Variants in ZNF385B observed in about 807,000 individuals in gnomAD.
ZNF385B encodes zinc finger protein 533.
In ZNF385B, 23 loss-of-function variants were observed where a neutral mutation model predicts 39.2. The observed-to-expected ratio is 0.59, with a 90% CI of 0.42 to 0.83. ZNF385B has a LOEUF of 0.83. ZNF385B is among the 40% of genes least tolerant of loss of function. The pLI is 0.00. For missense variants in ZNF385B, 552 were observed against 598.9 expected, an observed-to-expected ratio of 0.92 and a Z score of 0.82; for synonymous variants, 205 against 222.6, an observed-to-expected ratio of 0.92 and a Z score of 0.70.
intron 3 of ZNF385B, among the ~76,000 whole-genome samples, chr2:179,718,664 C>G (rs1480847717): frequency 1.3e-5 from 2 of 150,534 alleles, no homozygotes; most frequent in Non-Finnish European, 3.0e-5. Flanking sequence ...ATTATGAATG[C>G]CTGGCTTTTA....
At chr2:179,840,444 GA>G (rs1376267535) in intron 1 of ZNF385B, among the ~76,000 whole-genome samples, 1 of 152,180 alleles carries the variant, frequency 6.6e-6, no homozygotes, top group Non-Finnish European at 1.5e-5. Context: ...TCTTTGTTTG[GA>G]AAGATTTTTT....
intron 6 of ZNF385B, among the ~76,000 whole-genome samples, chr2:179,455,504 T>G (rs2050593325): frequency 6.6e-6 from 1 of 152,098 alleles, no homozygotes; most frequent in Non-Finnish European, 1.5e-5. Flanking sequence ...AAGAAGGGCA[T>G]GTTTGTTTCC....
Position 179,698,310 on chromosome 2 carries a change from G to A in ZNF385B, c.298+71193C>T, listed in dbSNP as rs1260757140. Reference sequence around the variant, plus strand: ...AGCTAGCTATCTTTCAGTAAAACACGGTTAAAGCAATAGGTATGGTAAAAA... The same window carrying A: ...AGCTAGCTATCTTTCAGTAAAACACAGTTAAAGCAATAGGTATGGTAAAAA... On this transcript the variant is annotated intron_variant, in intron 3 of 9. Coordinates refer to ENST00000410066, the MANE Select transcript of ZNF385B (RefSeq NM_152520.6). Among the ~76,000 whole-genome samples, 4 of 152,076 alleles carry A rather than the reference G, an allele frequency of 2.6e-5. No individual in the cohort carries two copies. In the East Asian group the frequency reaches 5.8e-4, roughly 22 times the overall value.
intron 3 of ZNF385B, among the ~76,000 whole-genome samples, chr2:179,635,751 C>T (rs1338726294): frequency 6.6e-6 from 1 of 151,916 alleles, no homozygotes; most frequent in African/African-American, 2.4e-5. Flanking sequence ...ACTCTTTGAT[C>T]CCCTTTTCAT....
At chr2:179,550,672 A>C (rs1214265466) in intron 3 of ZNF385B, among the ~76,000 whole-genome samples, 2 of 149,610 alleles carry the variant, frequency 1.3e-5, no homozygotes, top group Admixed American at 1.3e-4. Flanking sequence ...CCTACTTTTT[A>C]ATACTGCTTC....
At chr2:179,563,404 G>A (rs1684165399) in intron 3 of ZNF385B, among the ~76,000 whole-genome samples, 1 of 152,150 alleles carries the variant, frequency 6.6e-6, no homozygotes, top group Non-Finnish European at 1.5e-5. Flanking sequence ...AATGACTGAT[G>A]CTTGCAAATG....
chr2:179,823,805 ATTC>A (rs1707533834), intron 1 of ZNF385B, among the ~76,000 whole-genome samples: 2 of 152,164 alleles, frequency 1.3e-5, no homozygotes, highest in South Asian at 4.1e-4. Flanking sequence ...ATAGCATGTC[ATTC>A]TTCTCAAAAA....
At chr2:179,533,336 T>C (rs975876346) in intron 4 of ZNF385B, among the ~76,000 whole-genome samples, 10 of 152,232 alleles carry the variant, frequency 6.6e-5, no homozygotes, top group Admixed American at 5.2e-4. Flanking sequence ...CTGGTAGATT[T>C]ATCTGCTGTT....
At chr2:179,592,465 A>G (rs1687646513) in intron 3 of ZNF385B, among the ~76,000 whole-genome samples, 1 of 152,170 alleles carries the variant, frequency 6.6e-6, no homozygotes, top group Non-Finnish European at 1.5e-5. Flanking sequence ...ACACCTCACT[A>G]AAAAACTGAG....
intron 3 of ZNF385B, among the ~76,000 whole-genome samples, chr2:179,699,925 C>T (rs754239986): frequency 1.1e-4 from 16 of 152,050 alleles, no homozygotes; most frequent in Non-Finnish European, 1.9e-4. Flanking sequence ...TCATCGACAC[C>T]ACTCACCTTC....
chr2:179,603,006 C>A (rs1342106186), intron 3 of ZNF385B, among the ~76,000 whole-genome samples: 1 of 152,168 alleles, frequency 6.6e-6, no homozygotes, highest in Non-Finnish European at 1.5e-5. Flanking sequence ...CAAGTATTTT[C>A]AAACCAATTT....
At chr2:179,524,180 C>CA (rs1344137239) in intron 4 of ZNF385B, among the ~76,000 whole-genome samples, 2 of 152,046 alleles carry the variant, frequency 1.3e-5, no homozygotes, top group Admixed American at 6.6e-5. Context: ...ATTTGGTAGG[C>CA]ATTTATTACT....
At chr2:179,742,031 C>G (rs945286257) in intron 3 of ZNF385B, among the ~76,000 whole-genome samples, 1 of 151,714 alleles carries the variant, frequency 6.6e-6, no homozygotes, top group Non-Finnish European at 1.5e-5. Flanking sequence ...AGGAAAATCC[C>G]GAAAATATTC....
At chr2:179,576,311 C>A in intron 3 of ZNF385B, 1 of 378,932 alleles carries the variant, frequency 2.6e-6, no homozygotes, top group Non-Finnish European at 3.6e-6. Context: ...ACTTAGAATC[C>A]TTTTTTTCCA....
intron 3 of ZNF385B, among the ~76,000 whole-genome samples, chr2:179,550,887 C>A (rs2060517939): frequency 6.7e-6 from 1 of 149,972 alleles, no homozygotes. Flanking sequence ...GGCCAAAATG[C>A]ATTGCACTCT....
intron 1 of ZNF385B, among the ~76,000 whole-genome samples, chr2:179,794,520 A>C (rs1456931383): frequency 6.6e-6 from 1 of 152,144 alleles, no homozygotes; most frequent in Non-Finnish European, 1.5e-5. Flanking sequence ...GTAACTCTAA[A>C]ATTCTCTCGT....
At chr2:179,521,519 C>G (rs1342950719) in intron 4 of ZNF385B, among the ~76,000 whole-genome samples, 1 of 151,740 alleles carries the variant, frequency 6.6e-6, no homozygotes, top group African/African-American at 2.4e-5. Context: ...TTTATTCTGC[C>G]CAAATCTCAC....
chr2:179,793,534 C>T (rs1705470968), intron 1 of ZNF385B, among the ~76,000 whole-genome samples: 2 of 152,146 alleles, frequency 1.3e-5, no homozygotes, highest in South Asian at 4.1e-4. Flanking sequence ...AGAGGCTCTT[C>T]CCCTTTTACT....
At chr2:179,666,283 T>C (rs1354797691) in intron 3 of ZNF385B, among the ~76,000 whole-genome samples, 1 of 152,190 alleles carries the variant, frequency 6.6e-6, no homozygotes, top group Non-Finnish European at 1.5e-5. Flanking sequence ...AGAGTTGAGT[T>C]AGCTGAAGTC....
Sources: allele counts gnomAD v4.1 joint callset (sites outside exome capture counted in the v4.1 genomes callset), GRCh38; gene constraint gnomAD v4.1.1; transcripts MANE v1.5; gene names NCBI Gene and HGNC (gene_info 2026-07-23, HGNC 2026-07-21).